The following MYO3A variants were observed in gnomAD, a reference collection of about 807,000 sequenced individuals.
MYO3A encodes the protein myosin IIIA.
In MYO3A, 180 loss-of-function variants were observed where a neutral mutation model predicts 192.7. The observed-to-expected ratio is 0.93, with a 90% CI of 0.83 to 1.06. The LOEUF is 1.06. MYO3A is among the 50% of genes least tolerant of loss of function. The pLI, the probability that MYO3A is intolerant of heterozygous loss-of-function variation, is 0.00. For synonymous variants in MYO3A, 628 were observed against 645.3 expected (o/e 0.97, Z 0.41); for missense variants, 1,896 against 1,905.0 (o/e 1.00, Z 0.09).
chr10:25,958,641 G>C (rs1453473733), intron 4 of MYO3A, among the ~76,000 whole-genome samples: 2 of 152,128 alleles, frequency 1.3e-5, no homozygotes, highest in Non-Finnish European at 1.5e-5. Flanking sequence ...GTCATTGGTA[G>C]TTTGATAAGA....
chr10:26,211,748 C>G (rs1014155921), intron 34 of MYO3A, 95 bp from the exon 35 acceptor site: 1 of 1,568,582 alleles, frequency 6.4e-7, no homozygotes, highest in African/African-American at 1.4e-5. Context: ...GTTGGCAGAA[C>G]GTGGGAGGAA....
intron 15 of MYO3A, among the ~76,000 whole-genome samples, chr10:26,088,687 A>T (rs765673219): frequency 4.0e-4 from 61 of 152,208 alleles, no homozygotes; most frequent in Non-Finnish European, 2.9e-4. Flanking sequence ...CCATTCTGAC[A>T]TAGCAGAGAA....
intron 10 of MYO3A, among the ~76,000 whole-genome samples, chr10:26,054,886 G>C (rs1844223114): frequency 6.6e-6 from 1 of 152,238 alleles, no homozygotes; most frequent in Non-Finnish European, 1.5e-5. Flanking sequence ...CTGGCCTGCA[G>C]AACTGTGAGA....
At chr10:26,131,491 C>T (rs1686734446) in intron 20 of MYO3A, among the ~76,000 whole-genome samples, 1 of 152,170 alleles carries the variant, frequency 6.6e-6, no homozygotes, top group African/African-American at 2.4e-5. Context: ...ATTATCCACT[C>T]ACTGGCAGCT....
intron 17 of MYO3A, among the ~76,000 whole-genome samples, chr10:26,112,856 GGTAGTTTGATGATTCATA>G (rs1284596171): frequency 2.0e-5 from 3 of 152,100 alleles, no homozygotes; most frequent in Non-Finnish European, 2.9e-5. Context: ...ATAAATGATT[GGTAGTTTGATGATTCATA>G]GTAGTTTGAT....
chr10:26,136,100 T>C (rs1299294241), intron 20 of MYO3A, among the ~76,000 whole-genome samples: 1 of 151,826 alleles, frequency 6.6e-6, no homozygotes, highest in Admixed American at 6.6e-5. Context: ...GTATATCACA[T>C]CCTCTCCAGT....
At chr10:26,017,637 G>C (rs1588787002) in intron 7 of MYO3A, among the ~76,000 whole-genome samples, 1 of 151,900 alleles carries the variant, frequency 6.6e-6, no homozygotes, top group South Asian at 2.1e-4. Flanking sequence ...AAGCTGGTAT[G>C]CTGTTTTTAT....
intron 2 of MYO3A, among the ~76,000 whole-genome samples, chr10:25,936,351 C>A (rs1221713989): frequency 6.6e-6 from 1 of 151,954 alleles, no homozygotes; most frequent in Non-Finnish European, 1.5e-5. Context: ...GGCTGAAATA[C>A]CCTTTAGAAT....
At chr10:26,032,289 G>A (rs1247233183) in intron 10 of MYO3A, among the ~76,000 whole-genome samples, 1 of 152,162 alleles carries the variant, frequency 6.6e-6, no homozygotes, top group African/African-American at 2.4e-5. Flanking sequence ...ATTAACAAAA[G>A]AAAGACAAAC....
chr10:26,188,920 A>G (rs963138095), intron 31 of MYO3A, among the ~76,000 whole-genome samples: 1 of 152,288 alleles, frequency 6.6e-6, no homozygotes, highest in East Asian at 1.9e-4. Flanking sequence ...GCCAGGTAGC[A>G]TGATGCCTCC....
chr10:26,143,757 G>A (rs1472350384), intron 21 of MYO3A, among the ~76,000 whole-genome samples, 156 bp downstream of exon 21: 2 of 152,174 alleles, frequency 1.3e-5, no homozygotes, highest in Non-Finnish European at 2.9e-5. Context: ...TTAATACCTG[G>A]ACCAGTGCAT....
chr10:26,168,209 T>G (rs1841859081), intron 27 of MYO3A, among the ~76,000 whole-genome samples: 1 of 152,182 alleles, frequency 6.6e-6, no homozygotes, highest in African/African-American at 2.4e-5. Flanking sequence ...GTGACCTGCC[T>G]TGTTCATCTC....
chr10:26,128,147 A>T (rs1839321456), intron 19 of MYO3A, among the ~76,000 whole-genome samples: 1 of 152,178 alleles, frequency 6.6e-6, no homozygotes, highest in African/African-American at 2.4e-5. Flanking sequence ...TTCAGTGTAT[A>T]AAAGTATCGG....
intron 1 of MYO3A, among the ~76,000 whole-genome samples, chr10:25,934,950 C>A (rs1835951262): frequency 6.6e-6 from 1 of 152,134 alleles, no homozygotes; most frequent in Non-Finnish European, 1.5e-5. Context: ...GGGGCGAGAA[C>A]TGAGGGGGCC....
At chr10:25,986,155 TC>T (rs1317065206) in intron 4 of MYO3A, among the ~76,000 whole-genome samples, 1 of 152,102 alleles carries the variant, frequency 6.6e-6, no homozygotes, top group Non-Finnish European at 1.5e-5. Context: ...AAATCCAGCA[TC>T]CCTTTATGAT....
chr10:26,132,678 T>A (rs1839609355), intron 20 of MYO3A, among the ~76,000 whole-genome samples: 1 of 152,032 alleles, frequency 6.6e-6, no homozygotes, highest in South Asian at 2.1e-4. Context: ...TTTTTTTTTT[T>A]AAATGAGCTA....
At chr10:26,084,525 C>T (rs1836180151) in intron 14 of MYO3A, among the ~76,000 whole-genome samples, 1 of 152,034 alleles carries the variant, frequency 6.6e-6, no homozygotes, top group Non-Finnish European at 1.5e-5. Context: ...TTCTTAGAGA[C>T]AGAGTCTCAC....
At chr10:26,155,644 T>C (rs1841069115) in intron 25 of MYO3A, among the ~76,000 whole-genome samples, 1 of 152,194 alleles carries the variant, frequency 6.6e-6, no homozygotes, top group Non-Finnish European at 1.5e-5. Flanking sequence ...ATGAGTACCT[T>C]TACTAAATAT....
chr10:26,052,830 GT>G (rs1554814295), intron 10 of MYO3A, among the ~76,000 whole-genome samples: 32 of 150,042 alleles, frequency 2.1e-4, no homozygotes, highest in Admixed American at 2.7e-4. Flanking sequence ...AACAATAGTT[GT>G]TTTTTTTTCA....
Sources: gnomAD v4.1 joint callset for allele counts (sites outside exome capture counted in the v4.1 genomes callset) on GRCh38, gnomAD v4.1.1 for gene constraint, MANE v1.5 for transcripts, NCBI Gene and HGNC (gene_info 2026-07-23, HGNC 2026-07-21) for gene names.